CEMIP: variants seen among roughly 807,000 people sequenced by gnomAD.
The protein encoded by CEMIP is cell migration inducing hyaluronidase 1.
CEMIP carries 105 observed loss-of-function variants against 156.9 expected under a neutral mutation model. That is an observed-to-expected ratio of 0.67 (90% CI 0.57 to 0.79). The LOEUF (loss-of-function observed/expected upper bound fraction) is 0.79. Ranked by LOEUF, CEMIP falls within the 30% of genes least tolerant of loss-of-function variation. The pLI, the probability that CEMIP is intolerant of heterozygous loss-of-function variation, is 0.00. For missense variants in CEMIP, 1,457 were observed against 1,769.4 expected, an observed-to-expected ratio of 0.82 and a Z score of 3.17; for synonymous variants, 676 against 668.4, an observed-to-expected ratio of 1.01 and a Z score of -0.17.
Position 80,929,115 on chromosome 15 carries a change from C to G in CEMIP, c.2553C>G (p.Asp851Glu), listed in dbSNP as rs1309372501. 2 of 1,614,080 alleles carry G rather than the reference C, an allele frequency of 1.2e-6. No homozygotes were observed. The highest frequency in any genetic ancestry group is 4.5e-5 in the East Asian group (2 of 44,890). ...ESGNVGTEMM[D>E]NRIWGPGGLD... ...GCAACGTGGGGACGGAAATGATGGA[C>G]AATAGGATCTGGGGCCCTGGCGGCT... The change falls in exon 21 of 30, where the codon GAC becomes GAG. Residue 851 changes from aspartate (D) to glutamate (E), a missense_variant. By Grantham distance (45) the Asp-to-Glu change is conservative. Around this residue, in one of 5 missense-constraint regions of CEMIP, gnomAD observed 798 missense variants for 980.1 expected, o/e 0.81. Transcript: ENST00000394685.
In CEMIP at chr15:80,949,008, C is replaced by T. The variant is rs576873264; in HGVS notation, c.*84C>T. 1 of 1,559,724 alleles carries T rather than the reference C, an allele frequency of 6.4e-7. No homozygotes were observed. The highest frequency in any genetic ancestry group is 8.8e-7 in the Non-Finnish European group (1 of 1,134,148). On this transcript the variant is annotated 3_prime_UTR_variant, in exon 30 of 30. Coordinates refer to ENST00000394685, the MANE Select transcript of CEMIP (RefSeq NM_001293298.2). ...GACCAGTGGGGGATGGCTGGGTCCCCCAGCCCCTGCCAGCAGCTGCCTGGG... is the reference window on the plus strand; with the variant it reads ...GACCAGTGGGGGATGGCTGGGTCCCTCAGCCCCTGCCAGCAGCTGCCTGGG...
chr15:80,931,065 G>A (rs1900894948), intron 21 of CEMIP, among the ~76,000 whole-genome samples: 1 of 152,120 alleles, frequency 6.6e-6, no homozygotes, highest in Non-Finnish European at 1.5e-5. Context: ...TCCATGCTAA[G>A]CCAAGGCAAA....
intron 6 of CEMIP, among the ~76,000 whole-genome samples, chr15:80,882,771 CACACACACACAT>C (rs1898707097): frequency 1.3e-5 from 2 of 152,152 alleles, no homozygotes; most frequent in East Asian, 1.9e-4. Flanking sequence ...CACACACACA[CACACACACACAT>C]ACACACACAC....
At chr15:80,909,936 T>C (rs1194068706) in intron 14 of CEMIP, among the ~76,000 whole-genome samples, 1 of 152,228 alleles carries the variant, frequency 6.6e-6, no homozygotes, top group Non-Finnish European at 1.5e-5. Flanking sequence ...CAACCAGATA[T>C]GTTTTGTTTG....
At chr15:80,874,825 G>C (rs1898416417) in intron 3 of CEMIP, among the ~76,000 whole-genome samples, 1 of 152,082 alleles carries the variant, frequency 6.6e-6, no homozygotes, top group African/African-American at 2.4e-5. Context: ...CATCACCATT[G>C]ATTGCTCTTT....
chr15:80,909,398 C>A (rs946805005), intron 14 of CEMIP, 92 bp downstream of exon 14: 15 of 1,300,398 alleles, frequency 1.2e-5, no homozygotes, highest in African/African-American at 1.0e-4. Flanking sequence ...TAATCCAGGG[C>A]CTTTGGGGAT....
At chr15:80,788,482 A>G (rs1895998889) in intron 1 of CEMIP, among the ~76,000 whole-genome samples, 1 of 151,416 alleles carries the variant, frequency 6.6e-6, no homozygotes, top group Admixed American at 6.6e-5. Flanking sequence ...AAAAAAAAAA[A>G]AAAAGAAAAA....
intron 1 of CEMIP, among the ~76,000 whole-genome samples, chr15:80,870,486 G>A (rs1898253028): frequency 6.6e-6 from 1 of 152,188 alleles, no homozygotes; most frequent in Non-Finnish European, 1.5e-5. Flanking sequence ...CTCTCAGGAG[G>A]CTCCTGTAAC....
chr15:80,810,284 T>C (rs1896627030), intron 1 of CEMIP, among the ~76,000 whole-genome samples: 1 of 152,206 alleles, frequency 6.6e-6, no homozygotes, highest in African/African-American at 2.4e-5. Context: ...CCCTTTTGAT[T>C]TGAGTAAGAT....
At chr15:80,859,670 C>G (rs1897937529) in intron 1 of CEMIP, among the ~76,000 whole-genome samples, 1 of 152,234 alleles carries the variant, frequency 6.6e-6, no homozygotes, top group South Asian at 2.1e-4. Context: ...TAGACAGTAT[C>G]AGAATCGAAT....
intron 14 of CEMIP, among the ~76,000 whole-genome samples, chr15:80,913,650 G>T (rs1033389828): frequency 6.6e-6 from 1 of 152,180 alleles, no homozygotes; most frequent in African/African-American, 2.4e-5. Flanking sequence ...GGTCAGCAAT[G>T]ATATTAAATA....
chr15:80,788,486 A>AC (rs1226493975), intron 1 of CEMIP, among the ~76,000 whole-genome samples: 3 of 149,670 alleles, frequency 2.0e-5, no homozygotes, highest in Non-Finnish European at 4.4e-5. Flanking sequence ...AAAAAAAAAA[A>AC]GAAAAAAGAA....
chr15:80,800,412 G>T (rs1234161070), intron 1 of CEMIP, among the ~76,000 whole-genome samples: 1 of 152,188 alleles, frequency 6.6e-6, no homozygotes, highest in Non-Finnish European at 1.5e-5. Context: ...TACCTTTGCG[G>T]AATGAATGAA....
chr15:80,889,472 C>A lies in CEMIP; in HGVS notation c.966C>A (p.Asp322Glu). The A allele has an allele frequency of 3.1e-6, 5 of 1,613,930 alleles. No individual in the cohort carries two copies. The highest frequency in any genetic ancestry group is 4.2e-6 in the Non-Finnish European group (5 of 1,179,924). ...NVSLSSEWVQ[D>E]VEWTEWFDHD... ...CTGTGCTGTTTGCTTTCTGCCTAGACGTGGAGTGGACGGAGTGGTTCGATC... is the reference window on the plus strand; with the variant it reads ...CTGTGCTGTTTGCTTTCTGCCTAGAAGTGGAGTGGACGGAGTGGTTCGATC... The change falls in exon 10 of 30, where the codon GAC becomes GAA. Residue 322 changes from aspartate (D) to glutamate (E), a missense_variant and splice_region_variant. Physicochemically the swap from Asp to Glu is conservative, Grantham distance 45 (BLOSUM62 2). This residue lies in a region of CEMIP where 280 missense variants were observed against 300.3 expected (regional missense o/e 0.93). Transcript: ENST00000394685.
At chr15:80,795,474 T>C (rs975642482) in intron 1 of CEMIP, among the ~76,000 whole-genome samples, 10 of 151,586 alleles carry the variant, frequency 6.6e-5, no homozygotes, top group Admixed American at 2.6e-4. Flanking sequence ...GGATTGGACA[T>C]AGGGTAAGGG....
At chr15:80,921,570 C>T (rs1224465384) in intron 16 of CEMIP, among the ~76,000 whole-genome samples, 1 of 152,148 alleles carries the variant, frequency 6.6e-6, no homozygotes, top group Non-Finnish European at 1.5e-5. Context: ...AGTGGCAGCA[C>T]GGCACTCCAT....
At chr15:80,871,541 A>C (rs556243410) in intron 1 of CEMIP, among the ~76,000 whole-genome samples, 1 of 152,246 alleles carries the variant, frequency 6.6e-6, no homozygotes, top group Admixed American at 6.5e-5. Flanking sequence ...GAAATGTCTT[A>C]ATGAGGGTCA....
Position 80,942,463 on chromosome 15 carries a change from G to C in CEMIP, c.3699+126G>C, listed in dbSNP as rs539599021. 1.6e-5 allele frequency: 13 copies of C among 805,912 alleles called. No homozygotes were observed. The African/African-American group carries it at 2.0e-4, about 13-fold the overall frequency. 49.9% of individuals were successfully genotyped at this position (805,912 alleles called of 1,614,324 possible). A position where few individuals can be genotyped will look rare whatever the true frequency, so the allele number is the denominator to read the frequency against. Reference sequence around the variant, plus strand: ...TGTTGGCAGGGGTGGTTTCCTCCAGGGGGCTTGGGGCGGGGAACCTGTTCC... The same window carrying C: ...TGTTGGCAGGGGTGGTTTCCTCCAGCGGGCTTGGGGCGGGGAACCTGTTCC... On this transcript the variant is annotated intron_variant, in intron 27 of 29. Coordinates refer to ENST00000394685, the MANE Select transcript of CEMIP (RefSeq NM_001293298.2).
chr15:80,899,931 G>A (rs986129949), intron 12 of CEMIP, among the ~76,000 whole-genome samples: 1 of 152,206 alleles, frequency 6.6e-6, no homozygotes, highest in Non-Finnish European at 1.5e-5. Context: ...CATCTGAGCT[G>A]ATGTCACTGC....
Sources: gnomAD v4.1 joint callset for allele counts (sites outside exome capture counted in the v4.1 genomes callset) on GRCh38, gnomAD v4.1.1 for gene constraint, gnomAD v4.1.1 regional missense constraint, MANE v1.5 for transcripts, NCBI Gene and HGNC (gene_info 2026-07-23, HGNC 2026-07-21) for gene names.